CACUL1: variants seen among roughly 807,000 people sequenced by gnomAD.
CACUL1 encodes the protein CDK2-associated and cullin domain-containing protein 1.
In CACUL1, 13 loss-of-function variants were observed where a neutral mutation model predicts 45.2. That is an observed-to-expected ratio of 0.29 (90% CI 0.19 to 0.46). CACUL1 has a LOEUF of 0.46. Ranked by LOEUF, CACUL1 falls within the 20% of genes least tolerant of loss-of-function variation. CACUL1 has a pLI of 1.00. For missense variants in CACUL1, 421 were observed against 471.4 expected, an observed-to-expected ratio of 0.89 and a Z score of 0.99; for synonymous variants, 197 against 174.2, an observed-to-expected ratio of 1.13 and a Z score of -1.03.
intron 4 of CACUL1, among the ~76,000 whole-genome samples, chr10:118,703,772 G>GA (rs1387664548): frequency 1.4e-4 from 22 of 152,028 alleles, no homozygotes; most frequent in Admixed American, 9.8e-4. Flanking sequence ...TAAGTTAGCG[G>GA]AAAAAAAGTT....
chr10:118,740,331 C>T (rs570056387), intron 1 of CACUL1, among the ~76,000 whole-genome samples: 5 of 152,104 alleles, frequency 3.3e-5, no homozygotes, highest in South Asian at 4.2e-4. Flanking sequence ...AAATTGTGGC[C>T]GTTTGCAGTG....
intron 3 of CACUL1, among the ~76,000 whole-genome samples, chr10:118,714,829 T>C (rs1292116653): frequency 6.6e-6 from 1 of 152,182 alleles, no homozygotes; most frequent in African/African-American, 2.4e-5. Flanking sequence ...AATGGCTTCC[T>C]CACCCCGCAA....
intron 3 of CACUL1, among the ~76,000 whole-genome samples, chr10:118,716,093 G>T (rs945176520): frequency 6.6e-6 from 1 of 151,876 alleles, no homozygotes; most frequent in Non-Finnish European, 1.5e-5. Flanking sequence ...TTAGCCGGGC[G>T]TGGTGGCACG....
intron 3 of CACUL1, among the ~76,000 whole-genome samples, chr10:118,720,268 C>T (rs1200741231): frequency 6.6e-6 from 1 of 152,092 alleles, no homozygotes; most frequent in Non-Finnish European, 1.5e-5. Flanking sequence ...AAGTAACTGG[C>T]TAGGTGCTAT....
At position 118,680,368 on chromosome 10, in the gene CACUL1, A is replaced by T. The variant is rs1845141608; in HGVS notation, c.*5760T>A. 1 of 152,216 alleles carries T rather than the reference A, an allele frequency of 6.6e-6. No individual in the cohort carries two copies. The highest frequency in any genetic ancestry group is 2.4e-5 in the African/African-American group (1 of 41,458). The allele number at this position is 152,216 out of a possible 1,614,324, so 9.4% of individuals were successfully genotyped here. The stretch of plus-strand genomic sequence containing the variant: ...GGGGAGTGAAAATGGAAATTGTCAG[A>T]GTCACTGAATTCTGCCACATGTGAT... On this transcript the variant is annotated 3_prime_UTR_variant, in exon 9 of 9. Coordinates refer to ENST00000369151, the MANE Select transcript of CACUL1 (RefSeq NM_153810.5).
chr10:118,701,325 CT>C lies in CACUL1; in HGVS notation c.776del (p.Lys259SerfsTer6). On this transcript the variant is annotated frameshift_variant, in exon 5 of 9. Coordinates refer to ENST00000369151, the MANE Select transcript of CACUL1 (RefSeq NM_153810.5). LOFTEE classifies it high-confidence loss of function. ...IKLFTEHVAE[K>X]HIYSLMPLLL... ...ACTTACGCATTAGGCTGTAAATGTG[CT>C]TTTCTGCAACATGTTCCGTAAACAG... 6.4e-7 allele frequency: 1 copy of C among 1,566,230 alleles called. No homozygotes were observed. The highest frequency in any genetic ancestry group is 8.7e-7 in the Non-Finnish European group (1 of 1,145,344).
At chr10:118,735,265 A>C (rs1457945287) in intron 1 of CACUL1, among the ~76,000 whole-genome samples, 2 of 152,242 alleles carry the variant, frequency 1.3e-5, no homozygotes, top group Non-Finnish European at 2.9e-5. Context: ...CCTACTATAT[A>C]ATCCTTTTAA....
intron 1 of CACUL1, among the ~76,000 whole-genome samples, chr10:118,739,169 C>G (rs929945805): frequency 6.6e-6 from 1 of 150,940 alleles, no homozygotes; most frequent in Admixed American, 6.6e-5. Context: ...GCACTCCAGC[C>G]TGGGTGACAG....
Position 118,751,691 on chromosome 10 carries a change from A to T in CACUL1, c.367+2705T>A, listed in dbSNP as rs4752196. On this transcript the variant is annotated intron_variant, in intron 1 of 8. Transcript: ENST00000369151. The stretch of plus-strand genomic sequence containing the variant: ...CTGTTATTCACAAACTTTATCCCAC[A>T]CACCATATAAATTTTAGACTTAGGC... Among the ~76,000 whole-genome samples, 963 of 152,106 alleles carry T rather than the reference A, an allele frequency of 6.3e-3. 4 individuals are homozygous for T. Among genetic ancestry groups the T allele is most frequent in the Non-Finnish European group, 0.011 (730 of 67,972 alleles).
chr10:118,746,095 T>C (rs1004214992), intron 1 of CACUL1, among the ~76,000 whole-genome samples: 3 of 146,582 alleles, frequency 2.0e-5, no homozygotes, highest in African/African-American at 7.6e-5. Flanking sequence ...GAGCTTGCAG[T>C]GAGCTGAGAT....
intron 1 of CACUL1, among the ~76,000 whole-genome samples, chr10:118,747,773 C>A (rs1334917923): frequency 1.3e-5 from 2 of 152,032 alleles, no homozygotes; most frequent in East Asian, 3.9e-4. Flanking sequence ...AAGCAGGCAG[C>A]GTTAACTGAC....
At chr10:118,697,906 C>G (rs1193965012) in intron 5 of CACUL1, among the ~76,000 whole-genome samples, 1 of 152,056 alleles carries the variant, frequency 6.6e-6, no homozygotes, top group Non-Finnish European at 1.5e-5. Flanking sequence ...TTACTTTCAG[C>G]CAAAAATAGA....
At chr10:118,699,794 C>T (rs1424282661) in intron 5 of CACUL1, among the ~76,000 whole-genome samples, 1 of 151,682 alleles carries the variant, frequency 6.6e-6, no homozygotes, top group Non-Finnish European at 1.5e-5. Context: ...TACAGGCGCC[C>T]GCCACCATGC....
chr10:118,737,295 A>G (rs1048191298), intron 1 of CACUL1, among the ~76,000 whole-genome samples: 3 of 152,224 alleles, frequency 2.0e-5, no homozygotes, highest in Admixed American at 6.5e-5. Flanking sequence ...TATGGTTTGC[A>G]TAATTCAATT....
rs568810682 is a variant in CACUL1 at position 118,678,223 on chromosome 10, A to G, written c.*7905T>C. On this transcript the variant is annotated 3_prime_UTR_variant, in exon 9 of 9. Transcript: ENST00000369151. ...TAGCAGTTATATTATGAATATTTGT[A>G]TCTTATTCCAGATTTGGCTTCTCTT... 9.9e-4 allele frequency: 150 copies of G among 152,250 alleles called. No homozygotes were observed. Among genetic ancestry groups the G allele is most frequent in the African/African-American group, 3.4e-3 (143 of 41,544 alleles). 9.4% of individuals were successfully genotyped at this position (152,250 alleles called of 1,614,324 possible). A position where few individuals can be genotyped will look rare whatever the true frequency, so the allele number is the denominator to read the frequency against.
At chr10:118,714,403 C>G (rs1001162630) in intron 3 of CACUL1, among the ~76,000 whole-genome samples, 1 of 152,182 alleles carries the variant, frequency 6.6e-6, no homozygotes, top group Non-Finnish European at 1.5e-5. Flanking sequence ...ACACCTATCT[C>G]ATCAGAAATC....
At chr10:118,703,456 A>G (rs900053675) in intron 4 of CACUL1, among the ~76,000 whole-genome samples, 1 of 152,194 alleles carries the variant, frequency 6.6e-6, no homozygotes, top group Non-Finnish European at 1.5e-5. Flanking sequence ...TGTCTTTCAT[A>G]AATTATTTAA....
At position 118,719,806 on chromosome 10, in the gene CACUL1, C is replaced by T. The variant is rs1258013089; in HGVS notation, c.597+9489G>A. 4.0e-5 allele frequency among the ~76,000 whole-genome samples: 6 copies of T among 150,036 alleles called. No homozygotes were observed. The East Asian group carries it at 9.7e-4, about 24-fold the overall frequency. On this transcript the variant is annotated intron_variant, in intron 3 of 8. Coordinates refer to ENST00000369151, the MANE Select transcript of CACUL1 (RefSeq NM_153810.5). ...AGCCTGGGCAACAAGAGCTAAATTC[C>T]GTCTCAAAAAAAAAAAAAGGAATTT... is the stretch of plus-strand genomic sequence containing the variant.
rs977166425 is a variant in CACUL1, at chr10:118,691,134, C to G, written c.1025+131G>C. The G allele has an allele frequency of 1.2e-5, 9 of 749,376 alleles. No homozygotes were observed. The Admixed American group carries it at 2.1e-4, about 18-fold the overall frequency. 46.4% of individuals were successfully genotyped at this position (749,376 alleles called of 1,614,324 possible). On this transcript the variant is annotated intron_variant, in intron 7 of 8. Coordinates refer to ENST00000369151, the MANE Select transcript of CACUL1 (RefSeq NM_153810.5). ...ATTTCTACAGACAAGGAGCTAATGTCTTCTTGCAGCAGCAAGACTCTTGGC... is the reference window on the plus strand; with the variant it reads ...ATTTCTACAGACAAGGAGCTAATGTGTTCTTGCAGCAGCAAGACTCTTGGC...
Sources: allele counts gnomAD v4.1 joint callset (sites outside exome capture counted in the v4.1 genomes callset), GRCh38; gene constraint gnomAD v4.1.1; transcripts MANE v1.5; gene names NCBI Gene and HGNC (gene_info 2026-07-23, HGNC 2026-07-21).